The following MARCHF8 variants were observed in gnomAD, a reference collection of about 807,000 sequenced individuals.
The protein encoded by MARCHF8 is E3 ubiquitin-protein ligase MARCHF8.
In MARCHF8, 40 loss-of-function variants were observed where a neutral mutation model predicts 51.6. That is an observed-to-expected ratio of 0.77 (90% CI 0.60 to 1.01). The LOEUF (loss-of-function observed/expected upper bound fraction) is 1.01, where lower values mean the gene tolerates loss of function less well. MARCHF8 is among the 50% of genes least tolerant of loss of function. MARCHF8 has a pLI of 0.00. For synonymous variants in MARCHF8, 263 were observed against 280.3 expected, an observed-to-expected ratio of 0.94 and a Z score of 0.62; for missense variants, 685 against 708.6, an observed-to-expected ratio of 0.97 and a Z score of 0.38.
At chr10:45,491,308 C>T (rs183000347) in intron 2 of MARCHF8, among the ~76,000 whole-genome samples, 57 of 152,254 alleles carry the variant, frequency 3.7e-4, no homozygotes, top group African/African-American at 9.4e-4. Flanking sequence ...GAGGCTGAGG[C>T]GGGCAGATTG....
intron 2 of MARCHF8, among the ~76,000 whole-genome samples, chr10:45,496,635 A>C (rs1440853181): frequency 1.3e-5 from 2 of 152,128 alleles, no homozygotes; most frequent in Non-Finnish European, 1.5e-5. Flanking sequence ...TAACTGCTAC[A>C]ATGTATTGTT....
intron 3 of MARCHF8, among the ~76,000 whole-genome samples, chr10:45,464,693 G>GGCACTGGCTTCCCTA: frequency 6.6e-6 from 1 of 152,288 alleles, no homozygotes; most frequent in South Asian, 2.1e-4. Context: ...CAGGCCTGCT[G>GGCACTGGCTTCCCTA]GCACTGGCTT....
intron 1 of MARCHF8, among the ~76,000 whole-genome samples, chr10:45,575,046 C>T (rs535423460): frequency 2.6e-5 from 4 of 152,200 alleles, no homozygotes; most frequent in South Asian, 2.1e-4. Flanking sequence ...TTCTCAAAGC[C>T]GCTTTACTTC....
At chr10:45,560,420 G>C (rs113395694) in intron 1 of MARCHF8, among the ~76,000 whole-genome samples, 2,099 of 152,310 alleles carry the variant, frequency 0.014, 55 homozygotes, top group African/African-American at 0.047. Flanking sequence ...TTAGGCCTCC[G>C]AACCTGGCCT....
intron 2 of MARCHF8, among the ~76,000 whole-genome samples, chr10:45,496,127 T>TCA (rs1278193719): frequency 6.6e-6 from 1 of 152,014 alleles, no homozygotes; most frequent in Non-Finnish European, 1.5e-5. Flanking sequence ...AAACAGAAAC[T>TCA]CAGAGAATTC....
chr10:45,590,386 A>G (rs1339731243), intron 1 of MARCHF8, among the ~76,000 whole-genome samples: 5 of 152,202 alleles, frequency 3.3e-5, no homozygotes, highest in Non-Finnish European at 7.3e-5. Context: ...TTTAATAGAT[A>G]CATGGTTTTC....
intron 2 of MARCHF8, among the ~76,000 whole-genome samples, chr10:45,522,054 GT>G (rs1183074633): frequency 3.9e-5 from 6 of 152,016 alleles, no homozygotes; most frequent in Non-Finnish European, 7.4e-5. Flanking sequence ...TGTCTTTTTA[GT>G]TTTTTATAAT....
chr10:45,498,125 A>G (rs755110197), intron 2 of MARCHF8, among the ~76,000 whole-genome samples: 3 of 152,200 alleles, frequency 2.0e-5, no homozygotes, highest in Non-Finnish European at 4.4e-5. Flanking sequence ...TAACATTTTA[A>G]TTGTGGCAAA....
At chr10:45,571,072 CTATGAAATATAAAAGTA>C (rs889853282) in intron 1 of MARCHF8, among the ~76,000 whole-genome samples, 2 of 151,816 alleles carry the variant, frequency 1.3e-5, no homozygotes, top group African/African-American at 2.4e-5. Flanking sequence ...TTCTAAAAGC[CTATGAAATATAAAAGTA>C]TATGAAATAT....
intron 1 of MARCHF8, among the ~76,000 whole-genome samples, chr10:45,583,992 C>T (rs1292808585): frequency 1.2e-4 from 13 of 110,584 alleles, no homozygotes; most frequent in Admixed American, 3.9e-4. Context: ...GGTGACAGAG[C>T]GAGACTTCAT....
intron 1 of MARCHF8, among the ~76,000 whole-genome samples, chr10:45,571,736 T>C (rs1222284520): frequency 6.6e-6 from 1 of 152,174 alleles, no homozygotes; most frequent in Admixed American, 6.5e-5. Flanking sequence ...CTCTTTTTAC[T>C]CTCTTCTCCA....
At chr10:45,508,288 T>G (rs535871062) in intron 2 of MARCHF8, among the ~76,000 whole-genome samples, 28 of 149,380 alleles carry the variant, frequency 1.9e-4, no homozygotes, top group South Asian at 4.2e-4. Context: ...CTCTGAGATT[T>G]ATAAGAGGGC....
intron 1 of MARCHF8, among the ~76,000 whole-genome samples, chr10:45,584,494 G>T (rs993929059): frequency 1.3e-5 from 2 of 152,034 alleles, no homozygotes; most frequent in Non-Finnish European, 2.9e-5. Flanking sequence ...ACAATATTAA[G>T]TGACAATATT....
At chr10:45,520,638 T>A (rs908250262) in intron 2 of MARCHF8, among the ~76,000 whole-genome samples, 1 of 152,220 alleles carries the variant, frequency 6.6e-6, no homozygotes, top group African/African-American at 2.4e-5. Flanking sequence ...GCGCTTTTCT[T>A]ATGTTCTAAG....
At chr10:45,493,705 C>T (rs1364944139) in intron 2 of MARCHF8, among the ~76,000 whole-genome samples, 1 of 152,172 alleles carries the variant, frequency 6.6e-6, no homozygotes, top group Non-Finnish European at 1.5e-5. Flanking sequence ...GCTGCTGTCC[C>T]CAGACCACAG....
At chr10:45,461,864 C>T (rs1437711135) in intron 5 of MARCHF8, 1 of 152,560 alleles carries the variant, frequency 6.6e-6, no homozygotes, top group African/African-American at 2.4e-5. Flanking sequence ...ACTTTACCTT[C>T]ATACCCCACA....
chr10:45,552,363 ATTCTT>A (rs1235100651), intron 1 of MARCHF8, among the ~76,000 whole-genome samples: 2 of 152,090 alleles, frequency 1.3e-5, no homozygotes, highest in African/African-American at 4.8e-5. Context: ...CCTGGAATCC[ATTCTT>A]TTCAATTTTC....
rs561369825 is a variant in MARCHF8 at position 45,513,632 on chromosome 10, T to C, written c.102+19478A>G. Among the ~76,000 whole-genome samples, 8 of 152,240 alleles carry C rather than the reference T, an allele frequency of 5.3e-5. No individual in the cohort carries two copies. The South Asian group carries it at 1.4e-3, about 28-fold the overall frequency. On this transcript the variant is annotated intron_variant, in intron 2 of 7. Coordinates refer to ENST00000453424, the MANE Select transcript of MARCHF8 (RefSeq NM_001282866.2). ...GCTCTTTTCATCTTTGCTATTTGCA[T>C]GTCCCCACAGCTCAAGAACATCTCA...
chr10:45,572,985 C>G (rs1208099555), intron 1 of MARCHF8, among the ~76,000 whole-genome samples: 2 of 152,208 alleles, frequency 1.3e-5, no homozygotes, highest in Middle Eastern at 3.4e-3. Context: ...GGCCCTCCCC[C>G]ACCTGCCCAG....
Sources: gnomAD v4.1 joint callset for allele counts (sites outside exome capture counted in the v4.1 genomes callset) on GRCh38, gnomAD v4.1.1 for gene constraint, MANE v1.5 for transcripts, NCBI Gene and HGNC (gene_info 2026-07-23, HGNC 2026-07-21) for gene names.